NECAB2: variants seen among roughly 807,000 people sequenced by gnomAD.
NECAB2 encodes the protein N-terminal EF-hand calcium-binding protein 2.
In NECAB2, 68 loss-of-function variants were observed where a neutral mutation model predicts 51.9. The observed-to-expected ratio is 1.31, with a 90% confidence interval of 1.08 to 1.60. The LOEUF (loss-of-function observed/expected upper bound fraction) is 1.60. NECAB2 is among the 40% of genes most tolerant of loss of function. The pLI is 0.00. For missense variants in NECAB2, 854 were observed against 490.3 expected, an observed-to-expected ratio of 1.74 and a Z score of -7.00; for synonymous variants, 329 against 203.5, an observed-to-expected ratio of 1.62 and a Z score of -5.25.
At chr16:83,995,420 C>G (rs948382244) in intron 8 of NECAB2, among the ~76,000 whole-genome samples, 1 of 152,116 alleles carries the variant, frequency 6.6e-6, no homozygotes, top group Non-Finnish European at 1.5e-5. Context: ...GGGACCCCTC[C>G]CTCATAGGGG....
At position 84,002,621 on chromosome 16, in the gene NECAB2, CTACCCCT is replaced by C. The variant is rs2084861426; in HGVS notation, c.*276_*282del. 1.8e-6 allele frequency: 1 copy of C among 567,782 alleles called. No homozygotes were observed. The highest frequency in any genetic ancestry group is 3.1e-6 in the Non-Finnish European group (1 of 317,782). 35.2% of individuals were successfully genotyped at this position (567,782 alleles called of 1,614,324 possible). On this transcript the variant is annotated 3_prime_UTR_variant, in exon 13 of 13. Transcript: ENST00000305202. ...CTGCCTCCTGGTCCTGGCCTCTCCC[CTACCCCT>C]CACATGGCCACGCATGACCCACACT...
Position 83,981,136 on chromosome 16 carries a change from G to C in NECAB2, c.459+9G>C. 3 of 1,606,364 alleles carry C rather than the reference G, an allele frequency of 1.9e-6. No homozygotes were observed. The highest frequency in any genetic ancestry group is 2.5e-6 in the Non-Finnish European group (3 of 1,177,552). On this transcript the variant is annotated intron_variant, in intron 5 of 12. Coordinates refer to ENST00000305202, the MANE Select transcript of NECAB2 (RefSeq NM_019065.3). The stretch of plus-strand genomic sequence containing the variant: ...TGGGTTATACCAAGAAGGTCAGTGG[G>C]TGTAGGTGGCCCCCGGGGTCCAGGG...
At chr16:83,974,996 A>G (rs1447817186) in intron 2 of NECAB2, among the ~76,000 whole-genome samples, 3 of 130,562 alleles carry the variant, frequency 2.3e-5, no homozygotes, top group African/African-American at 9.4e-5. Context: ...GGGTGCGGGA[A>G]TGTGAACCGG....
intron 11 of NECAB2, among the ~76,000 whole-genome samples, chr16:84,001,207 G>A (rs979290153): frequency 1.3e-5 from 2 of 152,170 alleles, no homozygotes; most frequent in Non-Finnish European, 2.9e-5. Flanking sequence ...CCCGGTACGA[G>A]GGACGGAGAT....
At position 83,994,407 on chromosome 16, in the gene NECAB2, G is replaced by C. The variant is rs760850262; in HGVS notation, c.702G>C (p.Lys234Asn). The C allele has an allele frequency of 6.2e-7, 1 of 1,614,152 alleles. No homozygotes were observed. Among genetic ancestry groups the C allele is most frequent in the Non-Finnish European group, 8.5e-7 (1 of 1,180,002 alleles). Residue 234 changes from lysine (K) to asparagine (N), a missense_variant, in exon 7 of 13, where the codon AAG (lysine) becomes AAC (asparagine). Transcript: ENST00000305202. ...NHKLMAMEQG[K>N]TLPSATEDAK... The stretch of plus-strand genomic sequence containing the variant: ...AGCTCATGGCTATGGAACAAGGCAA[G>C]ACCCTTCCATCTGGTGAGAGAAAGC...
chr16:83,998,323 T>C lies in NECAB2; in HGVS notation c.962+6T>C. 4 of 1,612,650 alleles carry C rather than the reference T, an allele frequency of 2.5e-6. No homozygotes were observed. The highest frequency in any genetic ancestry group is 2.7e-5 in the African/African-American group (2 of 74,980). Reference sequence around the variant, plus strand: ...GGCGTGAGGAACTGCTTCCAGTGAGTGAGCTGCCGAGGCGTGGGTGGGATG... The same window carrying C: ...GGCGTGAGGAACTGCTTCCAGTGAGCGAGCTGCCGAGGCGTGGGTGGGATG... On this transcript the variant is annotated splice_donor_region_variant and intron_variant, in intron 10 of 12. Coordinates refer to ENST00000305202, the MANE Select transcript of NECAB2 (RefSeq NM_019065.3).
intron 11 of NECAB2, 103 bp from the exon 12 acceptor site, chr16:84,001,722 T>G: frequency 1.6e-6 from 2 of 1,272,554 alleles, no homozygotes; most frequent in African/African-American, 1.5e-5. Flanking sequence ...CCCGTGCTTA[T>G]TGATAAGCTC....
At chr16:84,001,085 C>A (rs1212167297) in intron 11 of NECAB2, among the ~76,000 whole-genome samples, 1 of 152,088 alleles carries the variant, frequency 6.6e-6, no homozygotes, top group Non-Finnish European at 1.5e-5. Context: ...GCCCTGGGGG[C>A]CGAGGCACTG....
chr16:83,997,278 C>T lies in NECAB2; in HGVS notation c.849+9C>T, dbSNP rs377363850. The stretch of plus-strand genomic sequence containing the variant: ...AAGATGGCACCAACATGGTGAGGCC[C>T]CTTCCCACCTCTCTTCTGGGACCAC... On this transcript the variant is annotated intron_variant, in intron 9 of 12. Transcript: ENST00000305202. The T allele has an allele frequency of 1.9e-6, 3 of 1,614,026 alleles. No homozygotes were observed. Among genetic ancestry groups the T allele is most frequent in the Non-Finnish European group, 2.5e-6 (3 of 1,179,992 alleles).
At chr16:83,976,960 C>A (rs2084418552) in intron 2 of NECAB2, among the ~76,000 whole-genome samples, 2 of 152,236 alleles carry the variant, frequency 1.3e-5, no homozygotes, top group South Asian at 2.1e-4. Flanking sequence ...AGTACGTCTG[C>A]CATGTCGGGT....
At chr16:83,981,992 C>T (rs77025437) in intron 5 of NECAB2, among the ~76,000 whole-genome samples, 3 of 152,154 alleles carry the variant, frequency 2.0e-5, no homozygotes, top group Non-Finnish European at 4.4e-5. Flanking sequence ...TGGTTATTTC[C>T]CTTTCTGAGC....
At position 83,968,759 on chromosome 16, in the gene NECAB2, G is replaced by A; in HGVS notation, c.111G>A (p.Arg37=). 1 of 1,087,456 alleles carries A rather than the reference G, an allele frequency of 9.2e-7. No homozygotes were observed. The highest frequency in any genetic ancestry group is 1.1e-6 in the Non-Finnish European group (1 of 897,532). The allele number at this position is 1,087,456 out of a possible 1,614,324, so 67.4% of individuals were successfully genotyped here. Residue 37 remains arginine (R), a synonymous_variant, in exon 1 of 13, where the codon AGG becomes AGA. Transcript: ENST00000305202. The part of the protein sequence containing the change: ...LGGLLRWVGA[R]MGEPRESLAP... Reference sequence around the variant, plus strand: ...GGCTGCTGCGCTGGGTGGGCGCCAGGATGGGCGAGCCCCGGGAGTCGCTGG... The same window carrying A: ...GGCTGCTGCGCTGGGTGGGCGCCAGAATGGGCGAGCCCCGGGAGTCGCTGG...
chr16:83,979,505 C>G (rs375866327), intron 3 of NECAB2, among the ~76,000 whole-genome samples: 2 of 152,116 alleles, frequency 1.3e-5, no homozygotes, highest in Admixed American at 6.5e-5. Context: ...CTGGGAAAGG[C>G]CACTTTAAAG....
chr16:83,978,056 T>A (rs1429593985), intron 2 of NECAB2, among the ~76,000 whole-genome samples: 1 of 152,106 alleles, frequency 6.6e-6, no homozygotes, highest in Non-Finnish European at 1.5e-5. Flanking sequence ...TGAGAGAAAA[T>A]TCACTGGCAG....
rs1313504874 is a variant in NECAB2, at chr16:83,997,104, C to T, written c.796-112C>T. 5 of 1,285,562 alleles carry T rather than the reference C, an allele frequency of 3.9e-6. No homozygotes were observed. The Admixed American group carries it at 7.5e-5, about 19-fold the overall frequency. 79.6% of individuals were successfully genotyped at this position (1,285,562 alleles called of 1,614,324 possible). A position where few individuals can be genotyped will look rare whatever the true frequency, so the allele number is the denominator to read the frequency against. On this transcript the variant is annotated intron_variant, in intron 8 of 12. Transcript: ENST00000305202. The stretch of plus-strand genomic sequence containing the variant: ...GCGTTGGTCTCCCAGCCCTGTGCAA[C>T]AGGGCCGGGTCCTTGGGAGCTCCCA...
At chr16:83,996,729 C>T (rs966450632) in intron 8 of NECAB2, among the ~76,000 whole-genome samples, 64 of 152,242 alleles carry the variant, frequency 4.2e-4, no homozygotes, top group African/African-American at 1.3e-3. Context: ...GGGCACCAGT[C>T]GTGGGCGAAC....
At chr16:83,973,768 A>T (rs575819595) in intron 2 of NECAB2, among the ~76,000 whole-genome samples, 2 of 149,556 alleles carry the variant, frequency 1.3e-5, no homozygotes, top group South Asian at 4.2e-4. Flanking sequence ...GACTTGGTGG[A>T]CGTGTTTGTT....
chr16:83,988,993 T>G (rs1014727844), intron 5 of NECAB2, among the ~76,000 whole-genome samples: 16 of 152,372 alleles, frequency 1.1e-4, no homozygotes, highest in Middle Eastern at 3.4e-3. Flanking sequence ...ATAACTTGTC[T>G]TCTTTGGAAT....
In NECAB2 at chr16:83,972,132, C is replaced by A; in HGVS notation, c.202-19C>A. The stretch of plus-strand genomic sequence containing the variant: ...GCCTCTCCCTGGCCCAGGGCTGACT[C>A]CGCCTCTCTTTTCTGCAGATTTTCC... On this transcript the variant is annotated intron_variant, in intron 1 of 12. Coordinates refer to ENST00000305202, the MANE Select transcript of NECAB2 (RefSeq NM_019065.3). The A allele has an allele frequency of 1.9e-6, 3 of 1,613,168 alleles. No individual in the cohort carries two copies. The highest frequency in any genetic ancestry group is 1.7e-6 in the Non-Finnish European group (2 of 1,180,016).
Sources: gnomAD v4.1 joint callset for allele counts (sites outside exome capture counted in the v4.1 genomes callset) on GRCh38, gnomAD v4.1.1 for gene constraint, MANE v1.5 for transcripts, NCBI Gene and HGNC (gene_info 2026-07-23, HGNC 2026-07-21) for gene names.